SATB2: variants seen among roughly 807,000 people sequenced by gnomAD.
SATB2 encodes the protein SATB homeobox 2, also known as DNA-binding protein SATB2.
SATB2 carries 1 observed loss-of-function variant against 73.4 expected under a neutral mutation model. The observed-to-expected ratio is 0.01, with a 90% CI of 0.00 to 0.06. The LOEUF (loss-of-function observed/expected upper bound fraction) is 0.06, where lower values mean the gene tolerates loss of function less well. Among genes scored for constraint, SATB2 ranks in the 10% least tolerant of loss-of-function variants. SATB2 has a pLI of 1.00. For synonymous variants in SATB2, 397 were observed against 367.0 expected (o/e 1.08, Z -0.93); for missense variants, 459 against 945.8 (o/e 0.49, Z 6.75).
At chr2:199,339,815 C>T (rs1165732400) in intron 7 of SATB2, among the ~76,000 whole-genome samples, 11 of 152,148 alleles carry the variant, frequency 7.2e-5, no homozygotes, top group Non-Finnish European at 1.6e-4. Flanking sequence ...ATAACTCAAA[C>T]AAAGGAGTTA....
intron 9 of SATB2, among the ~76,000 whole-genome samples, chr2:199,314,727 TG>T (rs1299500743): frequency 1.3e-5 from 2 of 151,940 alleles, no homozygotes; most frequent in African/African-American, 4.8e-5. Flanking sequence ...TTTCACCAGG[TG>T]GGGAGAGGAC....
At chr2:199,419,087 G>C (rs1334211866) in intron 3 of SATB2, among the ~76,000 whole-genome samples, 1 of 152,126 alleles carries the variant, frequency 6.6e-6, no homozygotes, top group Non-Finnish European at 1.5e-5. Context: ...ACTACAAACA[G>C]AACTATTTTG....
intron 6 of SATB2, among the ~76,000 whole-genome samples, chr2:199,353,699 T>C (rs1688889362): frequency 6.6e-6 from 1 of 152,116 alleles, no homozygotes; most frequent in African/African-American, 2.4e-5. Flanking sequence ...CTTTCTCTTC[T>C]TCCCTTTACT....
intron 2 of SATB2, among the ~76,000 whole-genome samples, chr2:199,447,210 G>A (rs899839124): frequency 9.9e-5 from 15 of 152,164 alleles, no homozygotes; most frequent in African/African-American, 1.9e-4. Context: ...GCTGCCTGGC[G>A]GTTCATTCGG....
intron 3 of SATB2, among the ~76,000 whole-genome samples, chr2:199,410,000 TTC>T (rs72008617): frequency 0.59 from 89,721 of 151,508 alleles, 30,610 homozygotes; most frequent in Non-Finnish European, 0.76. Flanking sequence ...CTGACTTTTT[TTC>T]TTTCTTTTGG....
intron 7 of SATB2, among the ~76,000 whole-genome samples, chr2:199,344,694 A>G (rs190676772): frequency 1.3e-5 from 2 of 152,272 alleles, no homozygotes; most frequent in East Asian, 3.9e-4. Flanking sequence ...CCAAACCACA[A>G]TGATTGGTAT....
chr2:199,435,555 G>A (rs1339377653), intron 2 of SATB2, among the ~76,000 whole-genome samples: 1 of 152,054 alleles, frequency 6.6e-6, no homozygotes, highest in Admixed American at 6.6e-5. Context: ...TGTTGGCCAG[G>A]CTGGTCTCGA....
intron 5 of SATB2, among the ~76,000 whole-genome samples, chr2:199,373,677 C>T (rs1689514744): frequency 6.6e-6 from 1 of 152,180 alleles, no homozygotes; most frequent in African/African-American, 2.4e-5. Flanking sequence ...GATGTGGAAT[C>T]AGCAAATGGC....
rs745695602 is a variant in SATB2 at position 199,308,751 on chromosome 2, G to C, written c.1740+9C>G. ...GATCAGGTGGGGTACGGCGGTCGGG[G>C]ACACTGACCTGCACCGGCTCAGGGG... On this transcript the variant is annotated intron_variant, in intron 10 of 10. Transcript: ENST00000417098. This position sits in a 1 kb window ranked among gnomAD's most constrained non-coding sequence, Gnocchi z 4.6. 6.2e-7 allele frequency: 1 copy of C among 1,613,424 alleles called. No individual in the cohort carries two copies. The highest frequency in any genetic ancestry group is 8.5e-7 in the Non-Finnish European group (1 of 1,179,420).
At chr2:199,465,360 T>C (rs1267676621), upstream of SATB2, among the ~76,000 whole-genome samples, 2 of 152,256 alleles carry the variant, frequency 1.3e-5, no homozygotes, top group African/African-American at 4.8e-5. Context: ...ATCTAAAGAC[T>C]GTCCCGTTGG....
chr2:199,328,476 G>GGCTGCAGTGAGCCGAGATCATGCT (rs1688095042), intron 8 of SATB2, among the ~76,000 whole-genome samples: 3 of 152,058 alleles, frequency 2.0e-5, no homozygotes, highest in African/African-American at 7.2e-5. Context: ...AGGAGGCGGA[G>GGCTGCAGTGAGCCGAGATCATGCT]GCTGCAGTGA....
At chr2:199,389,952 T>C (rs192325597) in intron 3 of SATB2, among the ~76,000 whole-genome samples, 18 of 152,232 alleles carry the variant, frequency 1.2e-4, no homozygotes, top group African/African-American at 4.1e-4. Context: ...CTTTTACAAT[T>C]TTGCGGCATA....
At chr2:199,468,187 A>C (rs1692629849), upstream of SATB2, 1 of 151,700 alleles carries the variant, frequency 6.6e-6, no homozygotes. Flanking sequence ...TGTCACTGAG[A>C]GCTTGGCAGG....
At chr2:199,420,702 A>T (rs1264913985) in intron 3 of SATB2, among the ~76,000 whole-genome samples, 1 of 152,200 alleles carries the variant, frequency 6.6e-6, no homozygotes, top group African/African-American at 2.4e-5. Context: ...ATGGAAAAGC[A>T]ACTGATGATC....
At position 199,272,771 on chromosome 2, in the gene SATB2, A is replaced by T. The variant is rs1692200523; in HGVS notation, c.1741-99T>A. On this transcript the variant is annotated intron_variant, in intron 10 of 10. Coordinates refer to ENST00000417098, the MANE Select transcript of SATB2 (RefSeq NM_001172509.2). This position sits in a 1 kb window ranked among gnomAD's most constrained non-coding sequence, Gnocchi z 6.7. ...ATATGTGTTATCTATCTAGCACTGG[A>T]GGTAAGCTATAGTCATTTGTAAAGT... is the stretch of plus-strand genomic sequence containing the variant. The T allele has an allele frequency of 9.0e-7, 1 of 1,115,846 alleles. No homozygotes were observed. Among genetic ancestry groups the T allele is most frequent in the Non-Finnish European group, 1.4e-6 (1 of 733,528 alleles). The allele number at this position is 1,115,846 out of a possible 1,614,324, so 69.1% of individuals were successfully genotyped here. A position where few individuals can be genotyped will look rare whatever the true frequency, so the allele number is the denominator to read the frequency against.
At chr2:199,337,452 A>T (rs1003402881) in intron 7 of SATB2, among the ~76,000 whole-genome samples, 10 of 152,338 alleles carry the variant, frequency 6.6e-5, no homozygotes, top group South Asian at 2.1e-4. Context: ...AATTGGAATT[A>T]AAAAACCTTA....
At chr2:199,333,109 C>T (rs1285707452) in intron 7 of SATB2, among the ~76,000 whole-genome samples, 1 of 151,902 alleles carries the variant, frequency 6.6e-6, no homozygotes, top group East Asian at 1.9e-4. Flanking sequence ...AATCCATTAT[C>T]TCCCATTGAT....
At chr2:199,276,783 G>A (rs945736683) in intron 10 of SATB2, among the ~76,000 whole-genome samples, 6 of 151,760 alleles carry the variant, frequency 4.0e-5, no homozygotes, top group Non-Finnish European at 7.4e-5. Flanking sequence ...GCCCAGTGGA[G>A]GGGCAAAAAA....
intron 3 of SATB2, among the ~76,000 whole-genome samples, chr2:199,382,323 G>A (rs193004443): frequency 6.2e-4 from 94 of 152,266 alleles, no homozygotes; most frequent in Admixed American, 2.1e-3. Flanking sequence ...GTTAGAGTTC[G>A]CTCCCATATC....
Sources: allele counts gnomAD v4.1 joint callset (sites outside exome capture counted in the v4.1 genomes callset), GRCh38; gene constraint gnomAD v4.1.1; non-coding constraint Gnocchi (gnomAD v3.1); transcripts MANE v1.5; gene names NCBI Gene and HGNC (gene_info 2026-07-23, HGNC 2026-07-21).